The following CYP4X1 variants were observed in gnomAD, a reference collection of about 807,000 sequenced individuals.
The protein encoded by CYP4X1 is cytochrome P450 4X1.
CYP4X1 carries 44 observed loss-of-function variants against 57.9 expected under a neutral mutation model. That is an observed-to-expected ratio of 0.76 (90% confidence interval 0.60 to 0.98). The LOEUF is 0.98. CYP4X1 is among the 50% of genes least tolerant of loss of function. CYP4X1 has a pLI of 0.00. For synonymous variants in CYP4X1, 227 were observed against 228.6 expected (o/e 0.99, Z 0.06); for missense variants, 532 against 623.9 (o/e 0.85, Z 1.57).
chr1:47,033,438 T>C, intron 4 of CYP4X1, 70 bp downstream of exon 4: 3 of 1,545,732 alleles, frequency 1.9e-6, no homozygotes, highest in Non-Finnish European at 2.6e-6. Context: ...TAGGTATGTG[T>C]TTTGTGGGCC....
chr1:46,967,901 G>T, the CYP4X1 span: 1 of 661,914 alleles, frequency 1.5e-6, no homozygotes, highest in African/African-American at 1.9e-5. Context: ...TTGATAAGAG[G>T]CCTCAGTCCC....
At chr1:47,035,631 C>T (rs969409599) in intron 4 of CYP4X1, among the ~76,000 whole-genome samples, 175 bp from the exon 5 acceptor site, 1 of 152,210 alleles carries the variant, frequency 6.6e-6, no homozygotes, top group Non-Finnish European at 1.5e-5. Flanking sequence ...GTGTATTTTT[C>T]CCTTCCTCGT....
chr1:46,971,739 CA>C, the CYP4X1 span, among the ~76,000 whole-genome samples: 21 of 152,196 alleles, frequency 1.4e-4, no homozygotes, highest in Non-Finnish European at 2.8e-4. Flanking sequence ...AGTGTCTGTT[CA>C]AATCCTTTGC....
chr1:47,055,290 GC>G (rs1376759617), downstream of CYP4X1, among the ~76,000 whole-genome samples: 1 of 152,186 alleles, frequency 6.6e-6, no homozygotes, highest in Non-Finnish European at 1.5e-5. Context: ...TGGTGGATAA[GC>G]TTTTTGATAT....
chr1:46,994,494 G>C, the CYP4X1 span: 2 of 160,288 alleles, frequency 1.2e-5, no homozygotes, highest in African/African-American at 4.8e-5. Flanking sequence ...TCAGCACAGA[G>C]ACACTCATGC....
chr1:46,989,534 G>A, the CYP4X1 span, among the ~76,000 whole-genome samples: 5 of 152,092 alleles, frequency 3.3e-5, no homozygotes, highest in African/African-American at 1.2e-4. Context: ...TTTCTTCACA[G>A]AATTAGAAAA....
chr1:47,035,702 T>C, intron 4 of CYP4X1, 104 bp from the exon 5 acceptor site: 1 of 1,485,998 alleles, frequency 6.7e-7, no homozygotes, highest in Non-Finnish European at 9.0e-7. Context: ...TGGGTCAGGG[T>C]TGTCTCCATT....
chr1:46,966,221 A>C, the CYP4X1 span, among the ~76,000 whole-genome samples: 1 of 152,250 alleles, frequency 6.6e-6, no homozygotes, highest in Non-Finnish European at 1.5e-5. Flanking sequence ...TGGGGCCCAC[A>C]GAATGACAGT....
intron 2 of CYP4X1, 106 bp from the exon 3 acceptor site, chr1:47,031,330 C>T: frequency 1.5e-6 from 2 of 1,346,746 alleles, no homozygotes; most frequent in African/African-American, 1.5e-5. Context: ...CTCTTTTTCT[C>T]ACTTTTTGTG....
chr1:46,991,624 G>C, the CYP4X1 span, among the ~76,000 whole-genome samples: 1 of 152,176 alleles, frequency 6.6e-6, no homozygotes, highest in Non-Finnish European at 1.5e-5. Context: ...GGGAGGGGTA[G>C]GTGAAAATCC....
chr1:47,012,602 GA>G, the CYP4X1 span, among the ~76,000 whole-genome samples: 22 of 146,944 alleles, frequency 1.5e-4, no homozygotes, highest in South Asian at 8.7e-4. Context: ...AAACCAGACT[GA>G]AAAAAAAAAG....
At chr1:47,046,835 T>C (rs1644307925) in intron 9 of CYP4X1, among the ~76,000 whole-genome samples, 1 of 152,194 alleles carries the variant, frequency 6.6e-6, no homozygotes, top group Non-Finnish European at 1.5e-5. Flanking sequence ...CCAGAATCCA[T>C]GTCTCTGGAA....
the CYP4X1 span, among the ~76,000 whole-genome samples, chr1:46,964,595 C>G: frequency 6.6e-6 from 1 of 152,192 alleles, no homozygotes; most frequent in Non-Finnish European, 1.5e-5. Flanking sequence ...GATCATTCCT[C>G]TGGAAATTTT....
At chr1:46,977,440 G>T in the CYP4X1 span, among the ~76,000 whole-genome samples, 1 of 152,028 alleles carries the variant, frequency 6.6e-6, no homozygotes, top group African/African-American at 2.4e-5. Context: ...GGAGTAAAAA[G>T]AAATGAACAA....
downstream of CYP4X1, among the ~76,000 whole-genome samples, chr1:47,054,266 C>G (rs1644378399): frequency 6.6e-6 from 1 of 151,974 alleles, no homozygotes; most frequent in Admixed American, 6.6e-5. Flanking sequence ...CTGTTCTGTT[C>G]CATTGATCTA....
intron 1 of CYP4X1, among the ~76,000 whole-genome samples, chr1:47,027,263 C>T (rs946754964): frequency 6.6e-6 from 1 of 151,908 alleles, no homozygotes; most frequent in Admixed American, 6.6e-5. Context: ...ATTACCAACC[C>T]TCCCCATTTA....
chr1:46,979,265 T>C, the CYP4X1 span, among the ~76,000 whole-genome samples: 2 of 152,030 alleles, frequency 1.3e-5, no homozygotes, highest in South Asian at 2.1e-4. Flanking sequence ...AAGAATCAAA[T>C]AGACGCAATA....
the CYP4X1 span, chr1:46,961,674 C>A: frequency 7.7e-7 from 1 of 1,291,558 alleles, no homozygotes; most frequent in Non-Finnish European, 1.0e-6. Flanking sequence ...TGGGAACCCC[C>A]TAGTCTCTAT....
the CYP4X1 span, among the ~76,000 whole-genome samples, chr1:46,971,034 A>G: frequency 6.6e-6 from 1 of 152,134 alleles, no homozygotes; most frequent in Admixed American, 6.5e-5. Flanking sequence ...TCACCCAGAT[A>G]AAAAGCATTG....
Sources: allele counts gnomAD v4.1 joint callset (sites outside exome capture counted in the v4.1 genomes callset), GRCh38; gene constraint gnomAD v4.1.1; transcripts MANE v1.5; gene names NCBI Gene and HGNC (gene_info 2026-07-23, HGNC 2026-07-21).